MAPRE3: variants seen among roughly 807,000 people sequenced by gnomAD.
MAPRE3 encodes microtubule associated protein RP/EB family member 3.
A neutral mutation model predicts 30.5 loss-of-function variants in MAPRE3; 2 were observed. The ratio of observed to expected loss-of-function variants is 0.07; its 90% CI spans 0.03 to 0.21. MAPRE3 has a LOEUF of 0.21. MAPRE3 is among the 10% of genes least tolerant of loss of function. The pLI is 1.00. For missense variants in MAPRE3, 204 were observed against 351.8 expected (o/e 0.58, Z 3.36); for synonymous variants, 110 against 127.7 (o/e 0.86, Z 0.93).
intron 1 of MAPRE3, among the ~76,000 whole-genome samples, chr2:27,005,911 G>C (rs574491833): frequency 6.6e-6 from 1 of 152,082 alleles, no homozygotes; most frequent in Non-Finnish European, 1.5e-5. Flanking sequence ...GGCCGGGCGC[G>C]GTGGCTCACG....
At chr2:27,019,281 C>G (rs2148225878) in intron 1 of MAPRE3, among the ~76,000 whole-genome samples, 1 of 150,364 alleles carries the variant, frequency 6.7e-6, no homozygotes, top group African/African-American at 2.4e-5. Context: ...ATGTCTCCCA[C>G]AGAGGGGGTC....
chr2:27,022,033 A>C (rs759000184), intron 1 of MAPRE3, among the ~76,000 whole-genome samples, 179 bp from the exon 2 acceptor site: 1 of 152,210 alleles, frequency 6.6e-6, no homozygotes, highest in Non-Finnish European at 1.5e-5. Context: ...CACGTCTAGC[A>C]TATAGTAGAT....
intron 1 of MAPRE3, among the ~76,000 whole-genome samples, chr2:27,001,447 A>C (rs1450616914): frequency 2.0e-5 from 3 of 152,216 alleles, no homozygotes; most frequent in Non-Finnish European, 4.4e-5. Flanking sequence ...TAGAGACAGC[A>C]GTGAGCCATG....
chr2:27,022,178 C>T lies in MAPRE3; in HGVS notation c.-7-34C>T, dbSNP rs571015826. ...ACAGCTAAGGAGCTACATGAGGCCCCAGTGCTGACCTCACCTTTCTTCTTG... is the reference window on the plus strand; with the variant it reads ...ACAGCTAAGGAGCTACATGAGGCCCTAGTGCTGACCTCACCTTTCTTCTTG... On this transcript the variant is annotated intron_variant, in intron 1 of 6. Coordinates refer to ENST00000233121, the MANE Select transcript of MAPRE3 (RefSeq NM_012326.4). The T allele has an allele frequency of 2.2e-5, 36 of 1,607,826 alleles. No individual in the cohort carries two copies. The Admixed American group carries it at 2.8e-4, about 13-fold the overall frequency.
chr2:26,991,423 G>T (rs1666340899), intron 1 of MAPRE3, among the ~76,000 whole-genome samples: 2 of 152,182 alleles, frequency 1.3e-5, no homozygotes, highest in African/African-American at 4.8e-5. Context: ...ACTGCCTACA[G>T]CCTCACCACA....
At chr2:26,971,911 T>A (rs1665922565) in intron 1 of MAPRE3, among the ~76,000 whole-genome samples, 1 of 152,168 alleles carries the variant, frequency 6.6e-6, no homozygotes, top group African/African-American at 2.4e-5. Context: ...AGATAGGGGT[T>A]CTAGCATATT....
intron 1 of MAPRE3, among the ~76,000 whole-genome samples, chr2:27,019,700 T>G (rs1482425021): frequency 6.6e-6 from 1 of 152,126 alleles, no homozygotes; most frequent in Non-Finnish European, 1.5e-5. Flanking sequence ...TTCATTTCTG[T>G]TTCTCTTGGC....
intron 3 of MAPRE3, chr2:27,023,694 C>G (rs1467626987): frequency 1.7e-6 from 1 of 579,708 alleles, no homozygotes; most frequent in African/African-American, 1.9e-5. Context: ...CTTTCCCTTC[C>G]TCCTCTCTGG....
At chr2:26,979,407 G>A (rs992880429) in intron 1 of MAPRE3, among the ~76,000 whole-genome samples, 2 of 152,086 alleles carry the variant, frequency 1.3e-5, no homozygotes, top group African/African-American at 2.4e-5. Flanking sequence ...GCAACATAGC[G>A]AGACCCCATC....
At chr2:27,025,487 G>A (rs1291059951) in intron 4 of MAPRE3, 96 bp from the exon 5 acceptor site, 20 of 1,305,404 alleles carry the variant, frequency 1.5e-5, no homozygotes, top group South Asian at 1.4e-4. Flanking sequence ...CCTGCCTGTC[G>A]CATGGGCCTG....
intron 3 of MAPRE3, chr2:27,023,699 C>A: frequency 1.8e-6 from 1 of 567,886 alleles, no homozygotes; most frequent in Non-Finnish European, 3.2e-6. Flanking sequence ...CCTTCCTCCT[C>A]TCTGGACCCT....
chr2:27,011,936 A>T (rs929306356), intron 1 of MAPRE3: 2 of 148,378 alleles, frequency 1.3e-5, no homozygotes, highest in African/African-American at 5.0e-5. Context: ...TGGGCCAGGC[A>T]TGGTGGCTCA....
intron 1 of MAPRE3, among the ~76,000 whole-genome samples, chr2:27,006,473 A>C (rs1666731220): frequency 6.6e-6 from 1 of 152,188 alleles, no homozygotes; most frequent in African/African-American, 2.4e-5. Context: ...CTCTGTCACT[A>C]AGGCTGGGGT....
At chr2:27,016,455 G>A (rs1666988336) in intron 1 of MAPRE3, among the ~76,000 whole-genome samples, 1 of 150,220 alleles carries the variant, frequency 6.7e-6, no homozygotes, top group Non-Finnish European at 1.5e-5. Context: ...CGCTATCTTG[G>A]CTCACTGCAA....
chr2:26,974,379 C>G (rs1460889801), intron 1 of MAPRE3, among the ~76,000 whole-genome samples: 1 of 152,190 alleles, frequency 6.6e-6, no homozygotes, highest in Non-Finnish European at 1.5e-5. Flanking sequence ...ATTCTGACTT[C>G]AGGAAGGTCT....
At chr2:26,997,847 AGAAT>A (rs1666499531) in intron 1 of MAPRE3, among the ~76,000 whole-genome samples, 1 of 152,252 alleles carries the variant, frequency 6.6e-6, no homozygotes, top group African/African-American at 2.4e-5. Context: ...CAACGAAGAC[AGAAT>A]AATAGAATTG....
intron 2 of MAPRE3, 75 bp downstream of exon 2, chr2:27,022,414 A>G (rs1288752123): frequency 1.3e-6 from 2 of 1,569,296 alleles, no homozygotes; most frequent in Admixed American, 3.4e-5. Flanking sequence ...GAGCAGCCAC[A>G]ACAGGGAATA....
In MAPRE3 at chr2:27,025,716, A is replaced by G. The variant is rs760670433; in HGVS notation, c.603A>G (p.Gln201=). 1 of 1,614,078 alleles carries G rather than the reference A, an allele frequency of 6.2e-7. No individual in the cohort carries two copies. The highest frequency in any genetic ancestry group is 1.1e-5 in the South Asian group (1 of 91,076). Residue 201 remains glutamine (Q), a synonymous_variant, in exon 5 of 7, where the codon CAA becomes CAG. Coordinates refer to ENST00000233121, the MANE Select transcript of MAPRE3 (RefSeq NM_012326.4). ...ARNGGHETDA[Q]ILELNQQLVD... is the part of the protein sequence containing the mutation. ...ATGGCGGCCATGAGACTGATGCCCA[A>G]ATTCTTGAACTCAACCAACAGGTGA...
intron 1 of MAPRE3, among the ~76,000 whole-genome samples, chr2:26,974,170 T>C (rs564316276): frequency 2.0e-5 from 3 of 152,204 alleles, no homozygotes; most frequent in East Asian, 1.9e-4. Flanking sequence ...CTAGAGTTAT[T>C]CTTCAACACC....
Sources: allele counts gnomAD v4.1 joint callset (sites outside exome capture counted in the v4.1 genomes callset), GRCh38; gene constraint gnomAD v4.1.1; transcripts MANE v1.5; gene names NCBI Gene and HGNC (gene_info 2026-07-23, HGNC 2026-07-21).